Variants in ZNF541 observed in about 807,000 individuals in gnomAD.
ZNF541 encodes the protein zinc finger protein 541.
Under a neutral mutation model 123.5 loss-of-function variants are expected in ZNF541, and 23 were observed. That is an observed-to-expected ratio of 0.19 (90% CI 0.13 to 0.26). The LOEUF (loss-of-function observed/expected upper bound fraction) is 0.26. Among genes scored for constraint, ZNF541 ranks in the 10% least tolerant of loss-of-function variants. The probability of loss-of-function intolerance (pLI) is 1.00; values close to 1 mark genes in which losing one functional copy is unlikely to be tolerated. For missense variants in ZNF541, 1,612 were observed against 1,789.9 expected (o/e 0.90, Z 1.79); for synonymous variants, 751 against 754.5 (o/e 1.00, Z 0.08).
Position 47,538,290 on chromosome 19 carries a change from G to A in ZNF541, c.2946C>T (p.Asp982=). The A allele has an allele frequency of 6.4e-7, 1 of 1,550,476 alleles. No individual in the cohort carries two copies. The highest frequency in any genetic ancestry group is 8.7e-7 in the Non-Finnish European group (1 of 1,146,254). The change falls in exon 9 of 17, where the codon GAC becomes GAT. Residue 982 remains aspartate (D), a synonymous_variant. Transcript: ENST00000391901. The part of the protein sequence containing the change: ...SRLRSPMFLV[D]CLLKGLFQCS... ...ACTGGAATAAGCCCTTCAGGAGGCA[G>A]TCCACCAGGAACATGGGTGACCGCA...
intron 8 of ZNF541, among the ~76,000 whole-genome samples, chr19:47,539,157 C>T (rs998507602): frequency 6.6e-5 from 10 of 152,144 alleles, no homozygotes; most frequent in African/African-American, 2.4e-4. Flanking sequence ...GACTAGGAGC[C>T]CTGGGAGGCA....
chr19:47,544,107 C>A lies in ZNF541; in HGVS notation c.2403+19G>T, dbSNP rs1295017379. 6.5e-7 allele frequency: 1 copy of A among 1,533,260 alleles called. No homozygotes were observed. Among genetic ancestry groups the A allele is most frequent in the Non-Finnish European group, 8.8e-7 (1 of 1,136,692 alleles). 95.0% of individuals were successfully genotyped at this position (1,533,260 alleles called of 1,614,324 possible). A position where few individuals can be genotyped will look rare whatever the true frequency, so the allele number is the denominator to read the frequency against. ...AACTCACTCCACTCTGGTCAGGCCA[C>A]GTGAGAGAGAGCTGGTACCTGGATT... is the stretch of plus-strand genomic sequence containing the variant. On this transcript the variant is annotated intron_variant, in intron 5 of 16. Transcript: ENST00000391901.
intron 3 of ZNF541, 104 bp from the exon 4 acceptor site, chr19:47,549,589 T>C (rs1392617804): frequency 2.0e-6 from 3 of 1,473,208 alleles, no homozygotes; most frequent in African/African-American, 2.8e-5. Context: ...GCCTTGTAAG[T>C]GTTGCGCGAG....
At chr19:47,531,265 G>C (rs1199365614) in intron 12 of ZNF541, among the ~76,000 whole-genome samples, 1 of 149,572 alleles carries the variant, frequency 6.7e-6, no homozygotes. Flanking sequence ...GGAGTAGGTA[G>C]AGGCATTTAT....
intron 14 of ZNF541, among the ~76,000 whole-genome samples, chr19:47,527,013 A>G (rs935298109): frequency 1.3e-5 from 2 of 152,242 alleles, no homozygotes; most frequent in African/African-American, 4.8e-5. Context: ...GGGGAGACCT[A>G]TCAATACCTG....
Position 47,538,327 on chromosome 19 carries a change from T to G in ZNF541, c.2909A>C (p.His970Pro). 6.5e-7 allele frequency: 1 copy of G among 1,542,986 alleles called. No homozygotes were observed. Residue 970 changes from histidine (H) to proline (P), a missense_variant, in exon 9 of 17, where the codon CAC becomes CCC. His to Pro is a moderately conservative substitution (Grantham distance 77, BLOSUM62 -2). This residue lies in a region of ZNF541 where 1,080 missense variants were observed against 1,013.8 expected (regional missense o/e 1.07). Coordinates refer to ENST00000391901, the MANE Select transcript of ZNF541 (RefSeq NM_001277075.3). ...CATGGGTGACCGCAGGCGGCTCTGGTGGCATCCTGCAGGGCCAGGCTCCCC... is the reference window on the plus strand; with the variant it reads ...CATGGGTGACCGCAGGCGGCTCTGGGGGCATCCTGCAGGGCCAGGCTCCCC... Reference protein sequence around the residue: ...TAGEPGPAGCHQSRLRSPMFL... With the variant: ...TAGEPGPAGCPQSRLRSPMFL...
intron 5 of ZNF541, among the ~76,000 whole-genome samples, chr19:47,542,072 G>C (rs551657198): frequency 1.3e-5 from 2 of 152,166 alleles, no homozygotes; most frequent in African/African-American, 4.8e-5. Flanking sequence ...CAGCTCTGCC[G>C]TTTGCCACCC....
In ZNF541 at chr19:47,545,337, G is replaced by T. The variant is rs563682772; in HGVS notation, c.1192C>A (p.Arg398=). ...GAACTGGCAGGGACCGTCTGGCCTC[G>T]GAAGAGAGGCAGGCAGGCAGGCACG... ...GSVPACLPLF[R]GQTVPASSQP... The change falls in exon 5 of 17, where the codon CGA becomes AGA. Residue 398 remains arginine, a synonymous_variant. Transcript: ENST00000391901. This position sits in a 1 kb window ranked among gnomAD's most constrained non-coding sequence, Gnocchi z 7.5. 8.2e-5 allele frequency: 127 copies of T among 1,547,290 alleles called. No individual in the cohort carries two copies. In the East Asian group the frequency reaches 3.1e-3, roughly 38 times the overall value.
intron 3 of ZNF541, among the ~76,000 whole-genome samples, chr19:47,553,655 C>A (rs548976722): frequency 1.3e-5 from 2 of 152,236 alleles, no homozygotes; most frequent in East Asian, 3.9e-4. Flanking sequence ...CCGCCTGCCT[C>A]GGCCTCCCAA....
chr19:47,528,713 A>G (rs760409864), intron 14 of ZNF541, among the ~76,000 whole-genome samples: 3 of 152,104 alleles, frequency 2.0e-5, no homozygotes, highest in Admixed American at 2.0e-4. Flanking sequence ...GAGGTTGCCA[A>G]GCAGAAGTAG....
intron 12 of ZNF541, among the ~76,000 whole-genome samples, chr19:47,531,241 G>C (rs113160251): frequency 4.2e-5 from 6 of 143,536 alleles, no homozygotes; most frequent in Non-Finnish European, 7.6e-5. Flanking sequence ...GCGGGGGGGG[G>C]GGGGGGGGTC....
At chr19:47,564,841 A>G (rs1045566851) in intron 2 of ZNF541, among the ~76,000 whole-genome samples, 3 of 152,220 alleles carry the variant, frequency 2.0e-5, no homozygotes, top group Non-Finnish European at 2.9e-5. Flanking sequence ...TCATTATAAG[A>G]AAAAGATACT....
Position 47,544,919 on chromosome 19 carries a change from A to G in ZNF541, c.1610T>C (p.Leu537Pro). 6.5e-7 allele frequency: 1 copy of G among 1,535,810 alleles called. No individual in the cohort carries two copies. Among genetic ancestry groups the G allele is most frequent in the Non-Finnish European group, 8.7e-7 (1 of 1,146,754 alleles). ...AGGLPADASP[L>P]FRQLFLKSQE... ...CGACTTGAGGAAGAGCTGGCGGAAGAGCGGCGAGGCATCCGCAGGGAGCCC... is the reference window on the plus strand; with the variant it reads ...CGACTTGAGGAAGAGCTGGCGGAAGGGCGGCGAGGCATCCGCAGGGAGCCC... Residue 537 changes from leucine to proline, a missense_variant, in exon 5 of 17, where the codon CTC becomes CCC. Leu to Pro is a moderately conservative substitution (Grantham distance 98). This residue lies in a region of ZNF541 where 1,080 missense variants were observed against 1,013.8 expected (regional missense o/e 1.07). Transcript: ENST00000391901.
Position 47,559,137 on chromosome 19 carries a change from G to A in ZNF541, c.-98-3183C>T, listed in dbSNP as rs530228840. Among the ~76,000 whole-genome samples, 5 of 151,924 alleles carry A rather than the reference G, an allele frequency of 3.3e-5. No individual in the cohort carries two copies. The East Asian group carries it at 7.9e-4, about 24-fold the overall frequency. ...TGTAATCCCAGCACTCTGGGAGGCC[G>A]AGGTGGGCAAATCACTGGAGGTCAG... On this transcript the variant is annotated intron_variant, in intron 2 of 16. Coordinates refer to ENST00000391901, the MANE Select transcript of ZNF541 (RefSeq NM_001277075.3).
chr19:47,561,540 T>C (rs532921776), intron 2 of ZNF541, among the ~76,000 whole-genome samples: 61 of 152,154 alleles, frequency 4.0e-4, no homozygotes, highest in African/African-American at 1.3e-3. Flanking sequence ...CATCTCAGGG[T>C]GGGCACATGT....
chr19:47,540,200 T>C lies in ZNF541; in HGVS notation c.2598A>G (p.Ser866=), dbSNP rs1281360162. 6.4e-7 allele frequency: 1 copy of C among 1,551,338 alleles called. No individual in the cohort carries two copies. Among genetic ancestry groups the C allele is most frequent in the Admixed American group, 2.0e-5 (1 of 50,960 alleles). ...HMCFHSDQWP[S]PRGKQEPQVF... ...CCTGCGGTTCCTGCTTCCCTCGAGG[T>C]GACGGCCACTGGTCGCTGTGAAAAC... Residue 866 remains serine, a synonymous_variant, in exon 7 of 17, where the codon TCA becomes TCG. Transcript: ENST00000391901.
At chr19:47,565,728 T>C (rs1257796019) in intron 2 of ZNF541, among the ~76,000 whole-genome samples, 1 of 152,198 alleles carries the variant, frequency 6.6e-6, no homozygotes, top group Non-Finnish European at 1.5e-5. Flanking sequence ...TTGTTTATAT[T>C]TAATTTGCAA....
At chr19:47,529,821 G>C (rs554006105) in intron 12 of ZNF541, among the ~76,000 whole-genome samples, 169 bp from the exon 13 acceptor site, 2 of 152,158 alleles carry the variant, frequency 1.3e-5, no homozygotes, top group Non-Finnish European at 2.9e-5. Flanking sequence ...CTGTCTGTGC[G>C]TGCATCAACC....
Position 47,551,420 on chromosome 19 carries a change from G to A in ZNF541, c.308-1935C>T, listed in dbSNP as rs184767177. Among the ~76,000 whole-genome samples, 5 of 151,436 alleles carry A rather than the reference G, an allele frequency of 3.3e-5. 1 individual carries two copies. The East Asian group carries it at 9.8e-4, about 30-fold the overall frequency. ...ATGTTGTCCAGGCTAGAGTGCAGGG[G>A]TTATTCACAGACGCAATCATAGCTC... On this transcript the variant is annotated intron_variant, in intron 3 of 16. Transcript: ENST00000391901.
Sources: gnomAD v4.1 joint callset for allele counts (sites outside exome capture counted in the v4.1 genomes callset) on GRCh38, gnomAD v4.1.1 for gene constraint, gnomAD v4.1.1 regional missense constraint, Gnocchi (gnomAD v3.1) non-coding constraint, MANE v1.5 for transcripts, NCBI Gene and HGNC (gene_info 2026-07-23, HGNC 2026-07-21) for gene names.